The following TACC2 variants were observed in gnomAD, a reference collection of about 807,000 sequenced individuals.
TACC2 encodes transforming acidic coiled-coil containing protein 2.
A neutral mutation model predicts 227.3 loss-of-function variants in TACC2; 137 were observed. The ratio of observed to expected loss-of-function variants is 0.60; its 90% CI spans 0.52 to 0.69. TACC2 has a LOEUF of 0.69. Among genes scored for constraint, TACC2 ranks in the 30% least tolerant of loss-of-function variants. The pLI, the probability that TACC2 is intolerant of heterozygous loss-of-function variation, is 0.00. For missense variants in TACC2, 3,470 were observed against 3,694.4 expected (o/e 0.94, Z 1.57); for synonymous variants, 1,523 against 1,487.5 (o/e 1.02, Z -0.55).
At chr10:122,151,926 G>A (rs543015054) in intron 7 of TACC2, among the ~76,000 whole-genome samples, 4 of 152,358 alleles carry the variant, frequency 2.6e-5, no homozygotes, top group African/African-American at 9.6e-5. Flanking sequence ...GGGTGACACT[G>A]CGGAGGTGAC....
At chr10:122,179,186 G>T (rs879482028) in intron 7 of TACC2, among the ~76,000 whole-genome samples, 3 of 152,204 alleles carry the variant, frequency 2.0e-5, no homozygotes, top group Non-Finnish European at 4.4e-5. Flanking sequence ...CAGCAAGAAG[G>T]TCAGGTCTGA....
rs534031058 is a variant in TACC2 at position 122,141,687 on chromosome 10, C to G, written c.5700-1885C>G. The stretch of plus-strand genomic sequence containing the variant: ...ACAGATCTAAGGTAGCATCTCCCCC[C>G]CACCCGCCACTGTTTTCTAAGACAG... On this transcript the variant is annotated intron_variant, in intron 6 of 22. Coordinates refer to ENST00000369005, the MANE Select transcript of TACC2 (RefSeq NM_206862.4). This position sits in a 1 kb window ranked among gnomAD's most constrained non-coding sequence, Gnocchi z 4.3. Among the ~76,000 whole-genome samples the G allele has an allele frequency of 5.3e-5, 8 of 152,084 alleles. No individual in the cohort carries two copies. The highest frequency in any genetic ancestry group is 3.3e-4 in the Admixed American group (5 of 15,274).
intron 11 of TACC2, among the ~76,000 whole-genome samples, chr10:122,219,406 T>A (rs755590655): frequency 1.3e-4 from 20 of 152,360 alleles, no homozygotes; most frequent in Non-Finnish European, 2.8e-4. Context: ...AACTAGCTTG[T>A]ATGTTTCCTG....
At chr10:122,036,681 G>A (rs2459080) in intron 2 of TACC2, among the ~76,000 whole-genome samples, 70,702 of 151,522 alleles carry the variant, frequency 0.47, 17,505 homozygotes, top group African/African-American at 0.63. Flanking sequence ...TTGTATTTTT[G>A]GTAGATGGAC....
Position 122,205,748 on chromosome 10 carries a change from A to G in TACC2, c.5972-4649A>G, listed in dbSNP as rs1191037372. On this transcript the variant is annotated intron_variant, in intron 8 of 22. Transcript: ENST00000369005. This position sits in a 1 kb window ranked among gnomAD's most constrained non-coding sequence, Gnocchi z 4.5. ...GATGGAGGCGGAGTCTGGGGTTTTA[A>G]TGAGTGTCTCAGGTGTGTCTTAGGC... Among the ~76,000 whole-genome samples, 1 of 152,144 alleles carries G rather than the reference A, an allele frequency of 6.6e-6. No homozygotes were observed. Among genetic ancestry groups the G allele is most frequent in the East Asian group, 1.9e-4 (1 of 5,182 alleles).
chr10:122,053,758 C>T (rs1408730632), intron 3 of TACC2, among the ~76,000 whole-genome samples: 2 of 152,246 alleles, frequency 1.3e-5, no homozygotes, highest in Non-Finnish European at 2.9e-5. Flanking sequence ...TCTCTCCACT[C>T]TCAGGCGCAT....
At chr10:122,231,624 T>C (rs949939417) in intron 16 of TACC2, among the ~76,000 whole-genome samples, 3 of 152,230 alleles carry the variant, frequency 2.0e-5, no homozygotes, top group African/African-American at 7.2e-5. Flanking sequence ...AGATGGGAGA[T>C]GGAGCCACTT....
chr10:122,210,441 G>A lies in TACC2; in HGVS notation c.6016G>A (p.Asp2006Asn), dbSNP rs1402926596. 2.5e-6 allele frequency: 4 copies of A among 1,614,082 alleles called. No individual in the cohort carries two copies. Among genetic ancestry groups the A allele is most frequent in the South Asian group, 1.1e-5 (1 of 91,058 alleles). Residue 2006 changes from aspartate (D) to asparagine (N), a missense_variant, in exon 9 of 23, where the codon GAC becomes AAC. Physicochemically the swap from Asp to Asn is conservative, Grantham distance 23. This residue lies in a region of TACC2 where 593 missense variants were observed against 636.6 expected (regional missense o/e 0.93). Transcript: ENST00000369005. The surrounding 1 kb of genome is among the most constrained non-coding windows in gnomAD (Gnocchi z 4.6). ...CCCTGTCCCTGATGGCCCACGGAGC[G>A]ACTCGGTGGAAGGAAGTCCCTTCCG... Reference protein sequence around the residue: ...TVPVPDGPRSDSVEGSPFRPP... With the variant: ...TVPVPDGPRSNSVEGSPFRPP...
At chr10:122,088,793 G>C (rs2080379085) in intron 5 of TACC2, 6 of 1,497,392 alleles carry the variant, frequency 4.0e-6, no homozygotes, top group Admixed American at 2.1e-5. Context: ...GGGATTGAAT[G>C]AGTTGCTTTC....
chr10:122,122,544 C>T (rs1222993079), intron 5 of TACC2, among the ~76,000 whole-genome samples: 1 of 150,060 alleles, frequency 6.7e-6, no homozygotes, highest in Non-Finnish European at 1.5e-5. Context: ...TAGGCTTTCT[C>T]ATCCGAGAGT....
At chr10:122,008,787 G>T (rs1395787244) in intron 1 of TACC2, among the ~76,000 whole-genome samples, 3 of 152,000 alleles carry the variant, frequency 2.0e-5, no homozygotes, top group African/African-American at 7.3e-5. Flanking sequence ...TGGCCAGGCT[G>T]GTCTCAAACT....
At chr10:122,108,346 T>G (rs182283219) in intron 5 of TACC2, among the ~76,000 whole-genome samples, 1 of 152,134 alleles carries the variant, frequency 6.6e-6, no homozygotes, top group Middle Eastern at 3.2e-3. Flanking sequence ...ATTTTATTCC[T>G]TTTTATGGCT....
intron 5 of TACC2, among the ~76,000 whole-genome samples, chr10:122,132,080 A>AAGAG (rs113613317): frequency 1.0e-5 from 1 of 100,486 alleles, no homozygotes; most frequent in Non-Finnish European, 1.9e-5. Context: ...GAAAGAAAGA[A>AAGAG]AGAGAAAGAT....
intron 18 of TACC2, 133 bp downstream of exon 18, chr10:122,238,170 T>C (rs537541908): frequency 3.1e-6 from 2 of 640,270 alleles, no homozygotes; most frequent in African/African-American, 1.8e-5. Context: ...ACACAGTTCA[T>C]ATTTTTCTAA....
At chr10:122,132,045 A>AAAGGAAGGAAGGAAGGAAGG (rs1565389785) in intron 5 of TACC2, among the ~76,000 whole-genome samples, 456 of 3,150 alleles carry the variant, frequency 0.14, 5 homozygotes, top group Admixed American at 0.17. Context: ...AGAAAGAAAG[A>AAAGGAAGGAAGGAAGGAAGG]AAGAAAGAAA....
In TACC2 at chr10:122,229,416, G is replaced by C. The variant is rs138735982; in HGVS notation, c.7967G>C (p.Cys2656Ser). The change falls in exon 15 of 23, where the codon TGT (cysteine) becomes TCT (serine). Residue 2656 changes from cysteine to serine, a missense_variant. Cys to Ser is a moderately radical substitution (Grantham distance 112, BLOSUM62 -1). Coordinates refer to ENST00000369005, the MANE Select transcript of TACC2 (RefSeq NM_206862.4). ...AGGCTAGCTCACCCCGTCTCTCTCT[G>C]TGGTGCACTTGACTATCTGGAGCCC... The part of the protein sequence containing the change: ...LSRLAHPVSL[C>S]GALDYLEPDL... 1.4e-3 allele frequency: 2,297 copies of C among 1,613,968 alleles called. 2 individuals are homozygous for C. Among genetic ancestry groups the C allele is most frequent in the Non-Finnish European group, 1.6e-3 (1,932 of 1,180,006 alleles).
rs372773858 is a variant in TACC2, at chr10:122,086,899, C to T, written c.4399C>T (p.Pro1467Ser). The change falls in exon 4 of 23, where the codon CCT becomes TCT. Residue 1467 changes from proline to serine, a missense_variant. Pro to Ser is a moderately conservative substitution (Grantham distance 74, BLOSUM62 -1). Around this residue, in one of 10 missense-constraint regions of TACC2, gnomAD observed 1,924 missense variants for 1,978.3 expected, o/e 0.97. Transcript: ENST00000369005. ...GVDVTLLPAP[P>S]ARLQVEKKQQ... is the part of the protein sequence containing the mutation. ...GGATGTCACCCTTCTCCCTGCACCT[C>T]CTGCTCGACTCCAGGTGGAGAAGAA... The T allele has an allele frequency of 1.2e-6, 2 of 1,613,992 alleles. No individual in the cohort carries two copies. Among genetic ancestry groups the T allele is most frequent in the Non-Finnish European group, 1.7e-6 (2 of 1,180,036 alleles).
intron 2 of TACC2, among the ~76,000 whole-genome samples, chr10:122,032,317 A>T (rs925538286): frequency 3.9e-5 from 6 of 151,980 alleles, no homozygotes; most frequent in Non-Finnish European, 5.9e-5. Context: ...AACACCTCCA[A>T]ACTGCTATCT....
Position 122,062,389 on chromosome 10 carries a change from C to G in TACC2, c.146+11839C>G, listed in dbSNP as rs145343906. Among the ~76,000 whole-genome samples, 1,358 of 152,040 alleles carry G rather than the reference C, an allele frequency of 8.9e-3. 22 individuals carry two copies. Among genetic ancestry groups the G allele is most frequent in the African/African-American group, 0.031 (1,292 of 41,430 alleles). ...TGACGCCATCTTGGCTAACCACAAC[C>G]TCCACCTCCCGGGTTCAAGTGATTC... is the stretch of plus-strand genomic sequence containing the variant. On this transcript the variant is annotated intron_variant, in intron 3 of 22. Transcript: ENST00000369005.
Sources: allele counts gnomAD v4.1 joint callset (sites outside exome capture counted in the v4.1 genomes callset), GRCh38; gene constraint gnomAD v4.1.1; regional missense constraint gnomAD v4.1.1; non-coding constraint Gnocchi (gnomAD v3.1); transcripts MANE v1.5; gene names NCBI Gene and HGNC (gene_info 2026-07-23, HGNC 2026-07-21).